Variants in SLC37A2 observed in about 807,000 individuals in gnomAD.
SLC37A2 encodes the protein solute carrier family 37 member 2.
In SLC37A2, 59 loss-of-function variants were observed where a neutral mutation model predicts 70.7. The observed-to-expected ratio is 0.83, with a 90% CI of 0.68 to 1.04. The LOEUF is 1.04. SLC37A2 is among the 50% of genes least tolerant of loss of function. The pLI, the probability that SLC37A2 is intolerant of heterozygous loss-of-function variation, is 0.00. For missense variants in SLC37A2, 580 were observed against 658.1 expected (o/e 0.88, Z 1.30); for synonymous variants, 257 against 262.1 (o/e 0.98, Z 0.19).
chr11:125,073,935 G>A (rs12280621), intron 1 of SLC37A2, among the ~76,000 whole-genome samples: 36,337 of 152,060 alleles, frequency 0.24, 4,819 homozygotes, highest in African/African-American at 0.35. Context: ...GGGAACTCCC[G>A]CTCTCTTCAG....
intron 4 of SLC37A2, among the ~76,000 whole-genome samples, chr11:125,078,505 A>T (rs1246519678): frequency 6.6e-6 from 1 of 151,676 alleles, no homozygotes; most frequent in African/African-American, 2.4e-5. Flanking sequence ...ACTAGCTAAG[A>T]GGTAGCCCGG....
Position 125,085,468 on chromosome 11 carries a change from C to T in SLC37A2, c.1322C>T (p.Ser441Phe). ...TVTAIIDGTG[S>F]IGAALGPLLA... is the part of the protein sequence containing the mutation. ...ACGGCCATCATTGACGGCACCGGCT[C>T]CATAGGTCTGTGACTCTAGCTCTGT... The change falls in exon 15 of 18, where the codon TCC becomes TTC. Residue 441 changes from serine (S) to phenylalanine (F), a missense_variant. Physicochemically the swap from Ser to Phe is radical, Grantham distance 155 (BLOSUM62 -2). Transcript: ENST00000403796. 6 of 1,613,974 alleles carry T rather than the reference C, an allele frequency of 3.7e-6. No individual in the cohort carries two copies. The highest frequency in any genetic ancestry group is 5.1e-6 in the Non-Finnish European group (6 of 1,179,970).
chr11:125,064,420 C>T (rs940518943), intron 1 of SLC37A2, among the ~76,000 whole-genome samples: 1 of 152,062 alleles, frequency 6.6e-6, no homozygotes, highest in Non-Finnish European at 1.5e-5. Flanking sequence ...GCCTAAATTT[C>T]CAAATTAAAT....
At chr11:125,069,425 C>T (rs1053350819) in intron 1 of SLC37A2, among the ~76,000 whole-genome samples, 6 of 152,234 alleles carry the variant, frequency 3.9e-5, no homozygotes, top group African/African-American at 1.4e-4. Context: ...ATTTCCTTAT[C>T]TATGAAATGG....
At chr11:125,066,268 G>A (rs1180910039) in intron 1 of SLC37A2, among the ~76,000 whole-genome samples, 1 of 152,234 alleles carries the variant, frequency 6.6e-6, no homozygotes, top group African/African-American at 2.4e-5. Flanking sequence ...GCCAGGCCCA[G>A]TGGCATGCTT....
At chr11:125,077,155 A>G (rs12289510) in intron 2 of SLC37A2, 75 bp from the exon 3 acceptor site, 591,242 of 1,147,696 alleles carry the variant, frequency 0.52, 159,976 homozygotes, top group African/African-American at 0.88. Context: ...CAGTGTCTCC[A>G]GTATGGTTGG....
Position 125,088,431 on chromosome 11 carries a change from A to C in SLC37A2, c.*297A>C. 1 of 368,132 alleles carries C rather than the reference A, an allele frequency of 2.7e-6. No homozygotes were observed. 22.8% of individuals were successfully genotyped at this position (368,132 alleles called of 1,614,324 possible). ...TTTGATAAGGAAAGGATATGCTCAG[A>C]CTCTTGCTTGTTCAGATTCCAAGAC... is the stretch of plus-strand genomic sequence containing the variant. On this transcript the variant is annotated 3_prime_UTR_variant, in exon 18 of 18. Transcript: ENST00000403796.
intron 1 of SLC37A2, among the ~76,000 whole-genome samples, chr11:125,064,686 G>A (rs992465899): frequency 6.6e-6 from 1 of 152,124 alleles, no homozygotes. Context: ...TTAAAATCCT[G>A]ACTCTCACAA....
At chr11:125,088,003 T>C (rs1302476619) in intron 17 of SLC37A2, 116 bp from the exon 18 acceptor site, 28 of 1,131,460 alleles carry the variant, frequency 2.5e-5, no homozygotes, top group Non-Finnish European at 3.5e-5. Flanking sequence ...TACAGAGAAC[T>C]GAGATGAAAG....
At chr11:125,064,768 G>A (rs539657471) in intron 1 of SLC37A2, among the ~76,000 whole-genome samples, 13 of 152,230 alleles carry the variant, frequency 8.5e-5, no homozygotes, top group African/African-American at 2.6e-4. Flanking sequence ...TGTTATAATC[G>A]GTTCAAAAGA....
chr11:125,068,471 C>T (rs1005296674), intron 1 of SLC37A2, among the ~76,000 whole-genome samples: 2 of 152,158 alleles, frequency 1.3e-5, no homozygotes, highest in Non-Finnish European at 2.9e-5. Flanking sequence ...GTTCTACCTT[C>T]TTGGAACTAA....
Position 125,079,064 on chromosome 11 carries a change from G to A in SLC37A2, c.315-48G>A, listed in dbSNP as rs774432606. On this transcript the variant is annotated intron_variant, in intron 4 of 17. Transcript: ENST00000403796. ...GGGCAGAAACATGGTAGGGAGTTGA[G>A]GTGGACACAGAGGAGCTTAACCGCA... 11 of 1,612,224 alleles carry A rather than the reference G, an allele frequency of 6.8e-6. No individual in the cohort carries two copies. In the East Asian group the frequency reaches 2.2e-4, roughly 33 times the overall value.
intron 17 of SLC37A2, 156 bp downstream of exon 17, chr11:125,086,174 G>A: frequency 1.9e-6 from 3 of 1,601,184 alleles, no homozygotes; most frequent in Non-Finnish European, 1.7e-6. Context: ...CTGCTAACCT[G>A]TCCTCTGTTG....
intron 7 of SLC37A2, among the ~76,000 whole-genome samples, chr11:125,081,028 G>A (rs4614465): frequency 0.038 from 5,843 of 152,276 alleles, 141 homozygotes; most frequent in Non-Finnish European, 0.06. Context: ...CACAGGAGGT[G>A]CTTGGCAAGC....
chr11:125,082,205 C>T, intron 9 of SLC37A2, 39 bp from the exon 10 acceptor site: 1 of 1,603,060 alleles, frequency 6.2e-7, no homozygotes, highest in Non-Finnish European at 8.5e-7. Flanking sequence ...CCCAGGACCT[C>T]TGGACCCCTT....
chr11:125,073,201 C>T lies in SLC37A2; in HGVS notation c.60-3556C>T, dbSNP rs990650352. ...CCCTACTGACTTTCCTGTCTGCCCACGGGAGCAGGTGGGAGGGCCCCGGGG... is the reference window on the plus strand; with the variant it reads ...CCCTACTGACTTTCCTGTCTGCCCATGGGAGCAGGTGGGAGGGCCCCGGGG... On this transcript the variant is annotated intron_variant, in intron 1 of 17. Transcript: ENST00000403796. Among the ~76,000 whole-genome samples the T allele has an allele frequency of 5.9e-5, 9 of 152,282 alleles. No homozygotes were observed. In the South Asian group the frequency reaches 6.2e-4, roughly 11 times the overall value.
chr11:125,064,448 C>A (rs1051343264), intron 1 of SLC37A2, among the ~76,000 whole-genome samples: 15 of 152,170 alleles, frequency 9.9e-5, no homozygotes, highest in African/African-American at 3.6e-4. Flanking sequence ...ATTGAGGAGT[C>A]CCCTTTAGAT....
Position 125,080,826 on chromosome 11 carries a change from G to T in SLC37A2, c.694+46G>T. The T allele has an allele frequency of 2.2e-6, 3 of 1,342,582 alleles. No homozygotes were observed. In the South Asian group the frequency reaches 7.2e-5, roughly 32 times the overall value. The allele number at this position is 1,342,582 out of a possible 1,614,324, so 83.2% of individuals were successfully genotyped here. On this transcript the variant is annotated intron_variant, in intron 7 of 17. Transcript: ENST00000403796. The surrounding 1 kb of genome is among the most constrained non-coding windows in gnomAD (Gnocchi z 4.3). ...CCACAAGTGAGCCTAGAAGTTCTCG[G>T]TTTCTGGGAGAAGGCAGCTGGATCT...
At position 125,063,315 on chromosome 11, in the gene SLC37A2, C is replaced by T; in HGVS notation, c.-53C>T. ...CAGCCAGTCCAGCCCGGGACACGCGCCCAGCTCTGTAGCCTCCTCCGTCGA... is the reference window on the plus strand; with the variant it reads ...CAGCCAGTCCAGCCCGGGACACGCGTCCAGCTCTGTAGCCTCCTCCGTCGA... On this transcript the variant is annotated 5_prime_UTR_variant, in exon 1 of 18. Transcript: ENST00000403796. This position sits in a 1 kb window ranked among gnomAD's most constrained non-coding sequence, Gnocchi z 5.4. 1 of 1,525,060 alleles carries T rather than the reference C, an allele frequency of 6.6e-7. No homozygotes were observed. Among genetic ancestry groups the T allele is most frequent in the Non-Finnish European group, 9.0e-7 (1 of 1,110,882 alleles). 94.5% of individuals were successfully genotyped at this position (1,525,060 alleles called of 1,614,324 possible). A position where few individuals can be genotyped will look rare whatever the true frequency, so the allele number is the denominator to read the frequency against.
Sources: allele counts gnomAD v4.1 joint callset (sites outside exome capture counted in the v4.1 genomes callset), GRCh38; gene constraint gnomAD v4.1.1; non-coding constraint Gnocchi (gnomAD v3.1); transcripts MANE v1.5; gene names NCBI Gene and HGNC (gene_info 2026-07-23, HGNC 2026-07-21).